Variants in ABTB2 observed in about 807,000 individuals in gnomAD.
The protein encoded by ABTB2 is ankyrin repeat and BTB/POZ domain-containing protein 2.
Under a neutral mutation model 104.1 loss-of-function variants are expected in ABTB2, and 56 were observed. The ratio of observed to expected loss-of-function variants is 0.54; its 90% CI spans 0.43 to 0.67. The LOEUF is 0.67. Ranked by LOEUF, ABTB2 falls within the 30% of genes least tolerant of loss-of-function variation. The probability of loss-of-function intolerance (pLI) is 0.00; values close to 1 mark genes in which losing one functional copy is unlikely to be tolerated. For synonymous variants in ABTB2, 606 were observed against 608.2 expected (o/e 1.00, Z 0.05); for missense variants, 1,279 against 1,407.7 (o/e 0.91, Z 1.46).
At chr11:34,208,732 C>G (rs1049769220) in intron 1 of ABTB2, among the ~76,000 whole-genome samples, 53 of 152,186 alleles carry the variant, frequency 3.5e-4, no homozygotes, top group African/African-American at 1.1e-3. Flanking sequence ...CCGTGGCCAC[C>G]CGGTTGCCCA....
intron 1 of ABTB2, among the ~76,000 whole-genome samples, chr11:34,253,057 C>T (rs1442021557): frequency 6.6e-6 from 1 of 152,188 alleles, no homozygotes; most frequent in Non-Finnish European, 1.5e-5. Context: ...AAGTGATCTC[C>T]TCAATGCTCC....
intron 7 of ABTB2, 42 bp from the exon 8 acceptor site, chr11:34,165,398 AGGG>A (rs1852785824): frequency 6.5e-7 from 1 of 1,538,030 alleles, no homozygotes. Flanking sequence ...TCAGCGTGGC[AGGG>A]AGCACCTGGG....
chr11:34,354,043 C>T (rs2001175), intron 1 of ABTB2, among the ~76,000 whole-genome samples: 372 of 152,304 alleles, frequency 2.4e-3, no homozygotes, highest in Non-Finnish European at 4.0e-3. Context: ...ACATTCATTT[C>T]ACTTTGTCTA....
chr11:34,330,559 G>C (rs1342335623), intron 1 of ABTB2, among the ~76,000 whole-genome samples: 1 of 152,234 alleles, frequency 6.6e-6, no homozygotes, highest in African/African-American at 2.4e-5. Flanking sequence ...ACCTGTATTA[G>C]GGATTATTGT....
At chr11:34,193,139 A>G (rs140673983) in intron 3 of ABTB2, among the ~76,000 whole-genome samples, 1 of 152,314 alleles carries the variant, frequency 6.6e-6, no homozygotes, top group African/African-American at 2.4e-5. Flanking sequence ...CCTCAGAGGA[A>G]GGAGGCTCCC....
Position 34,165,097 on chromosome 11 carries a change from G to T in ABTB2, c.1852+163C>A, listed in dbSNP as rs981801397. Among the ~76,000 whole-genome samples, 3 of 152,218 alleles carry T rather than the reference G, an allele frequency of 2.0e-5. No homozygotes were observed. The South Asian group carries it at 6.2e-4, about 32-fold the overall frequency. On this transcript the variant is annotated intron_variant, in intron 8 of 16. Coordinates refer to ENST00000435224, the MANE Select transcript of ABTB2 (RefSeq NM_145804.3). ...CTGAGCCCAACAGAAACTGATGGGTGGGGCCAGGGGAAGCCCCCAGTGGTC... is the reference window on the plus strand; with the variant it reads ...CTGAGCCCAACAGAAACTGATGGGTTGGGCCAGGGGAAGCCCCCAGTGGTC...
intron 7 of ABTB2, among the ~76,000 whole-genome samples, chr11:34,166,892 C>A (rs1273659211): frequency 1.3e-5 from 2 of 152,188 alleles, no homozygotes; most frequent in African/African-American, 4.8e-5. Flanking sequence ...TAGTAGAATT[C>A]ACGAGGGAGG....
chr11:34,252,541 C>T lies in ABTB2; in HGVS notation c.884-47851G>A, dbSNP rs534303155. On this transcript the variant is annotated intron_variant, in intron 1 of 16. Coordinates refer to ENST00000435224, the MANE Select transcript of ABTB2 (RefSeq NM_145804.3). This position sits in a 1 kb window ranked among gnomAD's most constrained non-coding sequence, Gnocchi z 5.5. Reference sequence around the variant, plus strand: ...TGCTAGGGCATCTCCTGTGCCACTCCCCCAACCCTCCAACCTGCCTGAAAG... The same window carrying T: ...TGCTAGGGCATCTCCTGTGCCACTCTCCCAACCCTCCAACCTGCCTGAAAG... Among the ~76,000 whole-genome samples the T allele has an allele frequency of 1.1e-4, 17 of 152,174 alleles. No individual in the cohort carries two copies. Among genetic ancestry groups the T allele is most frequent in the African/African-American group, 3.9e-4 (16 of 41,490 alleles).
chr11:34,304,844 G>A (rs1854752465), intron 1 of ABTB2, among the ~76,000 whole-genome samples: 1 of 152,230 alleles, frequency 6.6e-6, no homozygotes, highest in Admixed American at 6.5e-5. Context: ...AGAGGCCCTG[G>A]CTGACATGGT....
At chr11:34,211,692 G>A (rs1047724972) in intron 1 of ABTB2, among the ~76,000 whole-genome samples, 3 of 151,860 alleles carry the variant, frequency 2.0e-5, no homozygotes, top group African/African-American at 7.3e-5. Context: ...TCAGGCATTC[G>A]AGACCAGCCT....
chr11:34,215,384 T>A (rs1050030945), intron 1 of ABTB2, among the ~76,000 whole-genome samples: 28 of 152,200 alleles, frequency 1.8e-4, no homozygotes, highest in African/African-American at 6.8e-4. Flanking sequence ...AAGGAAAAGA[T>A]GCAAACATCA....
In ABTB2 at chr11:34,160,351, G is replaced by A. The variant is rs369664659; in HGVS notation, c.2400C>T (p.Asn800=). The A allele has an allele frequency of 3.3e-5, 53 of 1,612,874 alleles. No individual in the cohort carries two copies. Among genetic ancestry groups the A allele is most frequent in the Non-Finnish European group, 3.7e-5 (44 of 1,179,038 alleles). The change falls in exon 12 of 17, where the codon AAC becomes AAT. Residue 800 remains asparagine (N), a splice_region_variant and synonymous_variant. Transcript: ENST00000435224. ...LMFDILKTSK[N]DSVIQQLATI... is the part of the protein sequence containing the mutation. ...TAGCCAGTTGCTGGATGACGGAGTC[G>A]TTCTGTGGGGAGAGGAGAGAGGGCC...
At chr11:34,229,212 G>T (rs1208475339) in intron 1 of ABTB2, among the ~76,000 whole-genome samples, 1 of 151,836 alleles carries the variant, frequency 6.6e-6, no homozygotes, top group East Asian at 1.9e-4. Context: ...GCCGGGTGCG[G>T]TGGCTCACGC....
At chr11:34,327,337 A>C (rs1210591315) in intron 1 of ABTB2, among the ~76,000 whole-genome samples, 1 of 152,196 alleles carries the variant, frequency 6.6e-6, no homozygotes, top group Non-Finnish European at 1.5e-5. Context: ...TTTTTATATA[A>C]AGCATCAAAG....
At position 34,161,020 on chromosome 11, in the gene ABTB2, C is replaced by T. The variant is rs1230768126; in HGVS notation, c.2280G>A (p.Arg760=). ...ESLRTSFSQS[R]YSVVQSLLRD... is the part of the protein sequence containing the mutation. Reference sequence around the variant, plus strand: ...GCAGGAGGCTCTGCACCACCGAGTACCGCGACTGCGAGAACGAGGTCCTCA... The same window carrying T: ...GCAGGAGGCTCTGCACCACCGAGTATCGCGACTGCGAGAACGAGGTCCTCA... Residue 760 remains arginine (R), a synonymous_variant, in exon 11 of 17, where the codon CGG becomes CGA. Coordinates refer to ENST00000435224, the MANE Select transcript of ABTB2 (RefSeq NM_145804.3). The T allele has an allele frequency of 1.4e-5, 22 of 1,613,458 alleles. No individual in the cohort carries two copies. Among genetic ancestry groups the T allele is most frequent in the Admixed American group, 1.7e-5 (1 of 59,970 alleles).
Position 34,173,327 on chromosome 11 carries a change from G to A in ABTB2, c.1245-20C>T, listed in dbSNP as rs1398613151. On this transcript the variant is annotated intron_variant, in intron 3 of 16. Coordinates refer to ENST00000435224, the MANE Select transcript of ABTB2 (RefSeq NM_145804.3). The stretch of plus-strand genomic sequence containing the variant: ...AAGGGCCTGTGGGGCAGCAGAGAGA[G>A]GGTCAGGCCTGGGGTGGGGTCCCTG... The A allele has an allele frequency of 5.1e-6, 8 of 1,570,854 alleles. No homozygotes were observed. The highest frequency in any genetic ancestry group is 1.9e-5 in the Admixed American group (1 of 53,510).
intron 1 of ABTB2, among the ~76,000 whole-genome samples, chr11:34,222,447 G>A (rs1853636548): frequency 6.6e-6 from 1 of 152,144 alleles, no homozygotes; most frequent in African/African-American, 2.4e-5. Context: ...GATGGCTGGG[G>A]AGCCTTAGAA....
intron 3 of ABTB2, among the ~76,000 whole-genome samples, chr11:34,187,332 TA>T (rs1167306329): frequency 3.9e-5 from 6 of 152,156 alleles, no homozygotes; most frequent in Non-Finnish European, 5.9e-5. Context: ...GAGTGACTGA[TA>T]GTTGGCTTCG....
chr11:34,315,205 G>C (rs1274583089), intron 1 of ABTB2, among the ~76,000 whole-genome samples: 1 of 152,190 alleles, frequency 6.6e-6, no homozygotes, highest in East Asian at 1.9e-4. Context: ...AAACTAACTG[G>C]GACCAGACCC....
Sources: allele counts gnomAD v4.1 joint callset (sites outside exome capture counted in the v4.1 genomes callset), GRCh38; gene constraint gnomAD v4.1.1; non-coding constraint Gnocchi (gnomAD v3.1); transcripts MANE v1.5; gene names NCBI Gene and HGNC (gene_info 2026-07-23, HGNC 2026-07-21).